The following GSE1 variants were observed in gnomAD, a reference collection of about 807,000 sequenced individuals.
GSE1 encodes genetic suppressor element 1.
GSE1 carries 32 observed loss-of-function variants against 112.6 expected under a neutral mutation model. The ratio of observed to expected loss-of-function variants is 0.28; its 90% CI spans 0.21 to 0.38. GSE1 has a LOEUF of 0.38. Among genes scored for constraint, GSE1 ranks in the 10% least tolerant of loss-of-function variants. The pLI, the probability that GSE1 is intolerant of heterozygous loss-of-function variation, is 1.00. For synonymous variants in GSE1, 1,115 were observed against 735.6 expected, an observed-to-expected ratio of 1.52 and a Z score of -8.35; for missense variants, 2,348 against 1,699.2, an observed-to-expected ratio of 1.38 and a Z score of -6.71.
At chr16:85,523,869 G>A (rs989755878) in intron 2 of GSE1, among the ~76,000 whole-genome samples, 1 of 152,260 alleles carries the variant, frequency 6.6e-6, no homozygotes, top group African/African-American at 2.4e-5. Context: ...GGGCAGTGCT[G>A]CGGGAGGCGG....
chr16:85,543,948 C>T (rs1282250093), intron 2 of GSE1, among the ~76,000 whole-genome samples: 1 of 152,216 alleles, frequency 6.6e-6, no homozygotes, highest in African/African-American at 2.4e-5. Context: ...AGCAATCCTC[C>T]TGCCTCAGCC....
At chr16:85,344,038 C>T (rs919339215) in intron 1 of GSE1, among the ~76,000 whole-genome samples, 8 of 152,186 alleles carry the variant, frequency 5.3e-5, no homozygotes, top group Non-Finnish European at 8.8e-5. Context: ...AACTCAGATA[C>T]GTCTCCTTCA....
chr16:85,441,556 G>A (rs1402682448), intron 2 of GSE1, among the ~76,000 whole-genome samples: 1 of 152,210 alleles, frequency 6.6e-6, no homozygotes, highest in Non-Finnish European at 1.5e-5. Flanking sequence ...TCAGGAGGCT[G>A]AAATCGCTTC....
rs773316164 is a variant in GSE1, at chr16:85,672,584, T to C, written c.*45T>C. ...CCGAACCTATAGTATAGAAATATTA[T>C]CTATTTTATTACCTTGAATATTTAA... On this transcript the variant is annotated 3_prime_UTR_variant, in exon 16 of 16. Transcript: ENST00000253458. 52 of 1,333,358 alleles carry C rather than the reference T, an allele frequency of 3.9e-5. No homozygotes were observed. The highest frequency in any genetic ancestry group is 5.2e-5 in the Non-Finnish European group (51 of 971,996). 82.6% of individuals were successfully genotyped at this position (1,333,358 alleles called of 1,614,324 possible). A position where few individuals can be genotyped will look rare whatever the true frequency, so the allele number is the denominator to read the frequency against.
intron 1 of GSE1, among the ~76,000 whole-genome samples, chr16:85,236,753 G>C (rs1904706571): frequency 6.6e-6 from 1 of 151,986 alleles, no homozygotes; most frequent in Non-Finnish European, 1.5e-5. Flanking sequence ...CCTGGGTAGA[G>C]TGCCCCAGAG....
At chr16:85,546,982 C>T (rs1163832245) in intron 2 of GSE1, among the ~76,000 whole-genome samples, 3 of 152,144 alleles carry the variant, frequency 2.0e-5, no homozygotes, top group Non-Finnish European at 2.9e-5. Flanking sequence ...ATGTGTGTCA[C>T]GAGGGAGTGA....
At chr16:85,484,621 C>G (rs954239354) in intron 2 of GSE1, among the ~76,000 whole-genome samples, 1 of 152,224 alleles carries the variant, frequency 6.6e-6, no homozygotes, top group Non-Finnish European at 1.5e-5. Context: ...GCTTACGTGT[C>G]TCCTGAGGGA....
intron 1 of GSE1, among the ~76,000 whole-genome samples, chr16:85,562,604 A>T (rs556440304): frequency 6.6e-6 from 1 of 152,244 alleles, no homozygotes; most frequent in South Asian, 2.1e-4. Flanking sequence ...CAGGTGGCCC[A>T]AGCCACACAG....
At chr16:85,436,646 G>C (rs2049253100) in intron 2 of GSE1, among the ~76,000 whole-genome samples, 1 of 152,254 alleles carries the variant, frequency 6.6e-6, no homozygotes, top group East Asian at 1.9e-4. Flanking sequence ...AGAGTCCCGG[G>C]AGGCAGCTCT....
intron 2 of GSE1, among the ~76,000 whole-genome samples, chr16:85,478,449 T>C (rs974703335): frequency 6.7e-6 from 1 of 149,700 alleles, no homozygotes; most frequent in Non-Finnish European, 1.5e-5. Context: ...ATCACCTGAA[T>C]GTGGGAGGCA....
At chr16:85,525,330 T>C (rs568821983) in intron 2 of GSE1, among the ~76,000 whole-genome samples, 5 of 151,446 alleles carry the variant, frequency 3.3e-5, no homozygotes, top group Admixed American at 3.3e-4. Flanking sequence ...CTGTTAGCTG[T>C]GGGCCCAGTG....
intron 1 of GSE1, among the ~76,000 whole-genome samples, chr16:85,243,509 C>T (rs775000743): frequency 2.6e-5 from 4 of 152,192 alleles, no homozygotes; most frequent in Non-Finnish European, 4.4e-5. Flanking sequence ...GTGCACGCAG[C>T]GATCCCAGGA....
intron 2 of GSE1, among the ~76,000 whole-genome samples, chr16:85,391,886 C>T (rs909200423): frequency 1.3e-5 from 2 of 152,140 alleles, no homozygotes; most frequent in Non-Finnish European, 2.9e-5. Flanking sequence ...GAACGTGTTC[C>T]CGGGCTGCCC....
chr16:85,391,230 A>G (rs1035275233), intron 2 of GSE1, among the ~76,000 whole-genome samples: 7 of 152,370 alleles, frequency 4.6e-5, no homozygotes, highest in South Asian at 2.1e-4. Context: ...CATTCCAGGT[A>G]GTGTGCAAAC....
intron 1 of GSE1, among the ~76,000 whole-genome samples, chr16:85,328,795 G>GTCCCCGCCCCGGGGCC (rs146538340): frequency 4.0e-5 from 6 of 150,526 alleles, no homozygotes; most frequent in Admixed American, 6.6e-5. Context: ...GCGGCTGGGC[G>GTCCCCGCCCCGGGGCC]TCCCCGCCCC....
chr16:85,170,394 C>G (rs1020591407), exon 1 of GSE1: 1 of 985,398 alleles, frequency 1.0e-6, no homozygotes, highest in African/African-American at 1.7e-5. Flanking sequence ...CCCCTGCAGA[C>G]GGCATGAAAG....
chr16:85,225,893 T>C (rs1329675998), intron 1 of GSE1, among the ~76,000 whole-genome samples: 1 of 152,184 alleles, frequency 6.6e-6, no homozygotes, highest in Non-Finnish European at 1.5e-5. Context: ...CATCAGCACG[T>C]CAACTGGGGC....
chr16:85,265,416 C>T (rs1908134442), intron 1 of GSE1, among the ~76,000 whole-genome samples: 1 of 152,196 alleles, frequency 6.6e-6, no homozygotes, highest in Admixed American at 6.5e-5. Context: ...TGAGTCTCGA[C>T]CGCCCCAGAC....
At chr16:85,394,404 C>T (rs932870789) in intron 2 of GSE1, among the ~76,000 whole-genome samples, 4 of 152,060 alleles carry the variant, frequency 2.6e-5, no homozygotes, top group African/African-American at 4.8e-5. Context: ...TCGGGGAGGT[C>T]GGGGGCTTGC....
Sources: allele counts gnomAD v4.1 joint callset (sites outside exome capture counted in the v4.1 genomes callset), GRCh38; gene constraint gnomAD v4.1.1; transcripts MANE v1.5; gene names NCBI Gene and HGNC (gene_info 2026-07-23, HGNC 2026-07-21).